Variants in TTC6 observed in about 807,000 individuals in gnomAD.
TTC6 encodes tetratricopeptide repeat domain 6.
Under a neutral mutation model 210.4 loss-of-function variants are expected in TTC6, and 172 were observed. The observed-to-expected ratio is 0.82, with a 90% CI of 0.72 to 0.93. The LOEUF is 0.93. TTC6 is among the 40% of genes least tolerant of loss of function. The pLI is 0.00. For missense variants in TTC6, 2,414 were observed against 2,318.1 expected (o/e 1.04, Z -0.85); for synonymous variants, 804 against 819.6 (o/e 0.98, Z 0.32).
chr14:37,740,927 G>T (rs150372246), intron 10 of TTC6, among the ~76,000 whole-genome samples: 1 of 152,162 alleles, frequency 6.6e-6, no homozygotes, highest in Admixed American at 6.5e-5. Context: ...GATATAAACT[G>T]ATCAAATGCT....
chr14:37,814,793 A>G (rs2096137713), intron 25 of TTC6, among the ~76,000 whole-genome samples: 1 of 152,218 alleles, frequency 6.6e-6, no homozygotes, highest in African/African-American at 2.4e-5. Context: ...CAGGGGAAGA[A>G]GCAATGAAAT....
chr14:37,645,390 G>A (rs984247997), intron 1 of TTC6, among the ~76,000 whole-genome samples: 2 of 152,152 alleles, frequency 1.3e-5, no homozygotes, highest in African/African-American at 2.4e-5. Flanking sequence ...TATATCTGGC[G>A]CTGTACCAGA....
At chr14:37,809,591 G>A (rs950446442) in intron 24 of TTC6, among the ~76,000 whole-genome samples, 6 of 152,166 alleles carry the variant, frequency 3.9e-5, no homozygotes, top group Non-Finnish European at 5.9e-5. Flanking sequence ...AGAGCAGTTT[G>A]TGTAGGCATT....
chr14:37,603,210 C>A (rs1039549544), intron 1 of TTC6, among the ~76,000 whole-genome samples: 1 of 152,204 alleles, frequency 6.6e-6, no homozygotes, highest in African/African-American at 2.4e-5. Context: ...GTGCTGCCGA[C>A]CTCTAATATG....
chr14:37,711,800 G>A (rs2095845143), intron 5 of TTC6, among the ~76,000 whole-genome samples: 1 of 152,066 alleles, frequency 6.6e-6, no homozygotes, highest in South Asian at 2.1e-4. Context: ...TAAGGGACCA[G>A]CAAAGATGAT....
At chr14:37,692,208 C>CAAAAAAAAAAAAAAAACAAA (rs2095804785) in intron 3 of TTC6, among the ~76,000 whole-genome samples, 1 of 40,150 alleles carries the variant, frequency 2.5e-5, no homozygotes, top group East Asian at 1.2e-3. Flanking sequence ...AAAGACACAC[C>CAAAAAAAAAAAAAAAACAAA]AAAAAAAAAA....
chr14:37,781,629 A>G (rs185893750), intron 14 of TTC6, among the ~76,000 whole-genome samples: 11 of 152,252 alleles, frequency 7.2e-5, no homozygotes, highest in Admixed American at 6.5e-4. Context: ...TCTTTAGTTT[A>G]ATCAGATCCC....
At chr14:37,640,297 G>T (rs1202680277) in intron 1 of TTC6, among the ~76,000 whole-genome samples, 1 of 151,858 alleles carries the variant, frequency 6.6e-6, no homozygotes, top group Non-Finnish European at 1.5e-5. Context: ...AGACTCTAAA[G>T]GACAATGGCC....
chr14:37,727,719 G>C (rs2095876490), intron 7 of TTC6, among the ~76,000 whole-genome samples: 1 of 150,162 alleles, frequency 6.7e-6, no homozygotes, highest in Non-Finnish European at 1.5e-5. Flanking sequence ...CATTTGCAGT[G>C]TCTTTATTTA....
intron 3 of TTC6, among the ~76,000 whole-genome samples, chr14:37,695,807 AC>A (rs34566300): frequency 0.057 from 8,693 of 152,246 alleles, 381 homozygotes; most frequent in Non-Finnish European, 0.089. Flanking sequence ...CACTTCATGT[AC>A]CCCATGAATA....
chr14:37,693,897 C>T (rs1228325593), intron 3 of TTC6, among the ~76,000 whole-genome samples: 1 of 151,880 alleles, frequency 6.6e-6, no homozygotes, highest in Admixed American at 6.6e-5. Context: ...GAATCTAGAC[C>T]CCTATGTCTC....
chr14:37,707,410 ATCTT>A (rs950805297), intron 5 of TTC6, among the ~76,000 whole-genome samples: 2 of 151,950 alleles, frequency 1.3e-5, no homozygotes, highest in Non-Finnish European at 2.9e-5. Flanking sequence ...GATTTTCACT[ATCTT>A]TCCTCTATAT....
At chr14:37,797,617 A>G (rs2096095671) in intron 20 of TTC6, among the ~76,000 whole-genome samples, 1 of 151,820 alleles carries the variant, frequency 6.6e-6, no homozygotes, top group Admixed American at 6.6e-5. Flanking sequence ...CTTCTGATGA[A>G]CAAAACTTCT....
chr14:37,760,748 A>T (rs546141829), intron 14 of TTC6, among the ~76,000 whole-genome samples: 1 of 152,192 alleles, frequency 6.6e-6, no homozygotes, highest in African/African-American at 2.4e-5. Context: ...CAGTCTGGCC[A>T]CAGCCGCTTT....
intron 12 of TTC6, 134 bp from the exon 15 acceptor site, chr14:37,750,919 G>A: frequency 2.0e-6 from 1 of 499,690 alleles, no homozygotes; most frequent in Non-Finnish European, 3.3e-6. Context: ...AATAAAATAA[G>A]ATAAACTAAT....
intron 10 of TTC6, among the ~76,000 whole-genome samples, chr14:37,740,157 C>A (rs1437979258): frequency 1.7e-5 from 1 of 58,100 alleles, no homozygotes; most frequent in Non-Finnish European, 4.4e-5. Flanking sequence ...AGCGAGACTC[C>A]GTCTCAAAAA....
At chr14:37,694,168 A>G (rs1175896076) in intron 3 of TTC6, among the ~76,000 whole-genome samples, 2 of 152,224 alleles carry the variant, frequency 1.3e-5, no homozygotes, top group Non-Finnish European at 2.9e-5. Flanking sequence ...AAGTGAAGAG[A>G]CAACCCACAG....
chr14:37,766,083 A>T (rs183406351), intron 14 of TTC6, among the ~76,000 whole-genome samples: 318 of 152,226 alleles, frequency 2.1e-3, no homozygotes, highest in Non-Finnish European at 3.8e-3. Flanking sequence ...AACTTCTTGG[A>T]TTAATACATT....
At chr14:37,831,456 G>A (rs2096184907) in intron 29 of TTC6, among the ~76,000 whole-genome samples, 1 of 152,054 alleles carries the variant, frequency 6.6e-6, no homozygotes, top group South Asian at 2.1e-4. Flanking sequence ...TGGAATTGCT[G>A]GATCATATGA....
Sources: gnomAD v4.1 joint callset for allele counts (sites outside exome capture counted in the v4.1 genomes callset) on GRCh38, gnomAD v4.1.1 for gene constraint, MANE v1.5 for transcripts, NCBI Gene and HGNC (gene_info 2026-07-23, HGNC 2026-07-21) for gene names.